Variants in HEG1 observed in about 807,000 individuals in gnomAD.
The protein encoded by HEG1 is heart development protein with EGF like domains 1.
HEG1 carries 56 observed loss-of-function variants against 125.6 expected under a neutral mutation model. The observed-to-expected ratio is 0.45, with a 90% CI of 0.36 to 0.56. HEG1 has a LOEUF of 0.56. Ranked by LOEUF, HEG1 falls within the 20% of genes least tolerant of loss-of-function variation. HEG1 has a pLI of 0.00. For synonymous variants in HEG1, 644 were observed against 668.5 expected (o/e 0.96, Z 0.57); for missense variants, 1,523 against 1,670.0 (o/e 0.91, Z 1.53).
chr3:125,017,642 G>A (rs946852252), intron 5 of HEG1, among the ~76,000 whole-genome samples: 26 of 152,144 alleles, frequency 1.7e-4, no homozygotes, highest in African/African-American at 6.0e-4. Flanking sequence ...AAATGATGCA[G>A]CCACTTTGGA....
chr3:125,013,654 A>T lies in HEG1; in HGVS notation c.1925T>A (p.Met642Lys). 6.2e-7 allele frequency: 1 copy of T among 1,613,184 alleles called. No individual in the cohort carries two copies. The highest frequency in any genetic ancestry group is 8.5e-7 in the Non-Finnish European group (1 of 1,179,494). The change falls in exon 6 of 17, where the codon ATG (methionine) becomes AAG (lysine). Residue 642 changes from methionine to lysine, a missense_variant. Met to Lys is a moderately conservative substitution (Grantham distance 95). Coordinates refer to ENST00000311127, the MANE Select transcript of HEG1 (RefSeq NM_020733.2). The stretch of plus-strand genomic sequence containing the variant: ...GTCCAGAACAACCGAAGTGTTCGGC[A>T]TATTAATGGTGGGTGTGTAGGACGG... ...NLPSYTPTIN[M>K]PNTSVVLDTD...
rs1054887187 is a variant in HEG1 at position 125,013,043 on chromosome 3, T to A, written c.2536A>T (p.Ile846Phe). 1.1e-5 allele frequency: 17 copies of A among 1,613,862 alleles called. No homozygotes were observed. The highest frequency in any genetic ancestry group is 1.7e-5 in the Admixed American group (1 of 60,002). Residue 846 changes from isoleucine (I) to phenylalanine (F), a missense_variant, in exon 6 of 17, where the codon ATT (isoleucine) becomes TTT (phenylalanine). Physicochemically the swap from Ile to Phe is conservative, Grantham distance 21. Transcript: ENST00000311127. ...AQMSPTFTTTILKTSQPLMTT... is the reference protein window; with the variant it reads ...AQMSPTFTTTFLKTSQPLMTT... ...ATAAGAGGCTGAGAGGTCTTCAGAATGGTAGTTGTGAAAGTTGGAGACATT... is the reference window on the plus strand; with the variant it reads ...ATAAGAGGCTGAGAGGTCTTCAGAAAGGTAGTTGTGAAAGTTGGAGACATT...
At chr3:124,976,172 T>C (rs1936531495) in intron 15 of HEG1, among the ~76,000 whole-genome samples, 1 of 152,122 alleles carries the variant, frequency 6.6e-6, no homozygotes, top group African/African-American at 2.4e-5. Flanking sequence ...CTTGTTATTT[T>C]CTAGGTGTTT....
chr3:124,983,102 T>G (rs1461066142), intron 14 of HEG1, among the ~76,000 whole-genome samples: 1 of 152,198 alleles, frequency 6.6e-6, no homozygotes, highest in East Asian at 1.9e-4. Flanking sequence ...TCCACTTCCT[T>G]GGTTCCTTCC....
chr3:125,034,130 T>C (rs552543376), intron 1 of HEG1, among the ~76,000 whole-genome samples: 1 of 152,378 alleles, frequency 6.6e-6, no homozygotes, highest in South Asian at 2.1e-4. Flanking sequence ...ACCTGTATTG[T>C]GTAGACACAA....
rs1175606421 is a variant in HEG1 at position 124,966,769 on chromosome 3, G to C, written c.*3883C>G. 1 of 152,264 alleles carries C rather than the reference G, an allele frequency of 6.6e-6. No individual in the cohort carries two copies. The highest frequency in any genetic ancestry group is 1.9e-4 in the East Asian group (1 of 5,200). The allele number at this position is 152,264 out of a possible 1,614,324, so 9.4% of individuals were successfully genotyped here. On this transcript the variant is annotated 3_prime_UTR_variant, in exon 17 of 17. Coordinates refer to ENST00000311127, the MANE Select transcript of HEG1 (RefSeq NM_020733.2). ...TAGCCAAGGGCAACTGGAGTGGACA[G>C]CTCCTCTTCCTCAGGCAGAGTTAAA...
At chr3:125,001,512 T>C (rs1263584851) in intron 11 of HEG1, among the ~76,000 whole-genome samples, 2 of 152,170 alleles carry the variant, frequency 1.3e-5, no homozygotes, top group African/African-American at 4.8e-5. Flanking sequence ...CAGGAACTTT[T>C]CAGTGGAAAA....
At chr3:125,037,858 T>C (rs533810332) in intron 1 of HEG1, among the ~76,000 whole-genome samples, 4 of 152,230 alleles carry the variant, frequency 2.6e-5, no homozygotes, top group Non-Finnish European at 5.9e-5. Context: ...TCATACCCTA[T>C]GATCTTAAGT....
chr3:125,044,479 T>C, intron 1 of HEG1, among the ~76,000 whole-genome samples: 1 of 152,160 alleles, frequency 6.6e-6, no homozygotes, highest in South Asian at 2.1e-4. Flanking sequence ...TAGCATCCAC[T>C]CCATGCCAGC....
intron 5 of HEG1, among the ~76,000 whole-genome samples, chr3:125,019,046 T>C (rs911754578): frequency 6.6e-6 from 1 of 152,020 alleles, no homozygotes; most frequent in Non-Finnish European, 1.5e-5. Flanking sequence ...TTTTGTATTG[T>C]TAGTAGAGAC....
In HEG1 at chr3:125,029,425, TAGA is replaced by T; in HGVS notation, c.377_379del (p.Phe126del). The T allele has an allele frequency of 6.2e-7, 1 of 1,606,468 alleles. No individual in the cohort carries two copies. The highest frequency in any genetic ancestry group is 8.5e-7 in the Non-Finnish European group (1 of 1,179,818). The stretch of plus-strand genomic sequence containing the variant: ...TGTTGAAAAGTCCTCTTGATTCTGA[TAGA>T]AGGTGATGTTTTCTACATGGGCCTC... On this transcript the variant is annotated inframe_deletion, in exon 2 of 17. Coordinates refer to ENST00000311127, the MANE Select transcript of HEG1 (RefSeq NM_020733.2).
At chr3:124,999,993 T>C (rs1173912451) in intron 11 of HEG1, among the ~76,000 whole-genome samples, 1 of 152,170 alleles carries the variant, frequency 6.6e-6, no homozygotes, top group African/African-American at 2.4e-5. Flanking sequence ...AGCACTGCCC[T>C]TATGCTGGAA....
intron 5 of HEG1, chr3:125,015,006 T>C: frequency 8.0e-7 from 1 of 1,242,412 alleles, no homozygotes; most frequent in Non-Finnish European, 1.0e-6. Flanking sequence ...TCGGCTGTCT[T>C]CCAAGGCTAA....
At chr3:125,040,589 A>C (rs892155697) in intron 1 of HEG1, among the ~76,000 whole-genome samples, 21 of 152,278 alleles carry the variant, frequency 1.4e-4, no homozygotes, top group Admixed American at 3.9e-4. Flanking sequence ...CAATCAAATG[A>C]AAATATAACA....
Position 125,005,266 on chromosome 3 carries a change from G to A in HEG1, c.3296C>T (p.Thr1099Met), listed in dbSNP as rs547195657. The change falls in exon 9 of 17, where the codon ACG (threonine) becomes ATG (methionine). Residue 1099 changes from threonine to methionine, a missense_variant and splice_region_variant. Physicochemically the swap from Thr to Met is moderately conservative, Grantham distance 81. Coordinates refer to ENST00000311127, the MANE Select transcript of HEG1 (RefSeq NM_020733.2). ...LQEVENEITK[T>M]LNMCFSALPS... Reference sequence around the variant, plus strand: ...AAAGATGCCATTCAGGACACTTACCGTTTTGGTGATCTCATTTTCAACTTC... The same window carrying A: ...AAAGATGCCATTCAGGACACTTACCATTTTGGTGATCTCATTTTCAACTTC... The A allele has an allele frequency of 3.3e-5, 52 of 1,565,090 alleles. No individual in the cohort carries two copies. The highest frequency in any genetic ancestry group is 1.7e-4 in the Middle Eastern group (1 of 6,006).
At chr3:125,019,701 AC>A in intron 4 of HEG1, 104 bp from the exon 5 acceptor site, 2 of 830,890 alleles carry the variant, frequency 2.4e-6, no homozygotes, top group Non-Finnish European at 3.9e-6. Context: ...TTGCCAAGGA[AC>A]CTGGTATAGT....
At chr3:125,028,756 T>C (rs1199632054) in intron 2 of HEG1, among the ~76,000 whole-genome samples, 1 of 152,150 alleles carries the variant, frequency 6.6e-6, no homozygotes, top group Non-Finnish European at 1.5e-5. Flanking sequence ...CCGTGCAATT[T>C]TACCCATTGA....
At position 125,027,516 on chromosome 3, in the gene HEG1, A is replaced by G; in HGVS notation, c.611-9T>C. 6.3e-7 allele frequency: 1 copy of G among 1,578,594 alleles called. No individual in the cohort carries two copies. Among genetic ancestry groups the G allele is most frequent in the South Asian group, 1.2e-5 (1 of 83,552 alleles). On this transcript the variant is annotated splice_polypyrimidine_tract_variant and intron_variant, in intron 2 of 16. Transcript: ENST00000311127. ...GTGAAGACTTTCTGAGGCTGAAAACAGACAAAAACAATTAGAATTCCACCA... is the reference window on the plus strand; with the variant it reads ...GTGAAGACTTTCTGAGGCTGAAAACGGACAAAAACAATTAGAATTCCACCA...
chr3:125,028,872 A>C (rs1937454817), intron 2 of HEG1, among the ~76,000 whole-genome samples: 1 of 152,208 alleles, frequency 6.6e-6, no homozygotes, highest in African/African-American at 2.4e-5. Flanking sequence ...AACCAAACCC[A>C]AGCCTGTCGC....
Sources: gnomAD v4.1 joint callset for allele counts (sites outside exome capture counted in the v4.1 genomes callset) on GRCh38, gnomAD v4.1.1 for gene constraint, MANE v1.5 for transcripts, NCBI Gene and HGNC (gene_info 2026-07-23, HGNC 2026-07-21) for gene names.